The following TPD52L1 variants were observed in gnomAD, a reference collection of about 807,000 sequenced individuals.
TPD52L1 encodes tumor protein D53.
In TPD52L1, 18 loss-of-function variants were observed where a neutral mutation model predicts 28.7. The ratio of observed to expected loss-of-function variants is 0.63; its 90% CI spans 0.43 to 0.93. The LOEUF (loss-of-function observed/expected upper bound fraction) is 0.93, where lower values mean the gene tolerates loss of function less well. Among genes scored for constraint, TPD52L1 ranks in the 40% least tolerant of loss-of-function variants. The probability of loss-of-function intolerance (pLI) is 0.00; values close to 1 mark genes in which losing one functional copy is unlikely to be tolerated. For synonymous variants in TPD52L1, 75 were observed against 88.8 expected (o/e 0.84, Z 0.88); for missense variants, 203 against 254.8 (o/e 0.80, Z 1.39).
intron 1 of TPD52L1, among the ~76,000 whole-genome samples, chr6:125,202,766 CTT>C (rs55761249): frequency 4.3e-5 from 5 of 116,388 alleles, no homozygotes; most frequent in Non-Finnish European, 5.0e-5. Context: ...GGAGGTTTAT[CTT>C]TTTTTTTTTT....
At chr6:125,203,929 AAAC>A (rs1261676851) in intron 1 of TPD52L1, among the ~76,000 whole-genome samples, 1 of 152,200 alleles carries the variant, frequency 6.6e-6, no homozygotes, top group African/African-American at 2.4e-5. Flanking sequence ...GATATATTCT[AAAC>A]AACATAAATT....
At position 125,175,281 on chromosome 6, in the gene TPD52L1, G is replaced by A. The variant is rs59017133; in HGVS notation, c.19+21311G>A. Among the ~76,000 whole-genome samples the A allele has an allele frequency of 1.9e-3, 289 of 152,238 alleles. 1 individual carries two copies. The highest frequency in any genetic ancestry group is 6.4e-3 in the African/African-American group (266 of 41,540). ...AATAAATGAATGAATAGTATTGAGT[G>A]CATATAGCATTATATCCAACCAAGC... On this transcript the variant is annotated intron_variant, in intron 1 of 6. Transcript: ENST00000534000.
At chr6:125,260,972 GAAAGAAAAGAAAAGAAAGAAAGAAAGAA>G (rs1797940957) in intron 6 of TPD52L1, 2 of 51,246 alleles carry the variant, frequency 3.9e-5, no homozygotes, top group Non-Finnish European at 6.4e-5. Flanking sequence ...AAGAAAGAAA[GAAAGAAAAGAAAAGAAAGAAAGAAAGAA>G]AGAAAGAAAG....
rs1554203761 is a variant in TPD52L1, at chr6:125,180,569, T to TATACACAC, written c.19+26600_19+26601insTACACACA. ...TACACACACACACATATATTATATATACACACACACACACACACACACACA... is the reference window on the plus strand; with the variant it reads ...TACACACACACACATATATTATATATATACACACACACACACACACACACACACACACA... On this transcript the variant is annotated intron_variant, in intron 1 of 6. Coordinates refer to ENST00000534000, the MANE Select transcript of TPD52L1 (RefSeq NM_003287.4). Among the ~76,000 whole-genome samples the TATACACAC allele has an allele frequency of 4.8e-3, 723 of 150,256 alleles. 31 individuals are homozygous for TATACACAC. The East Asian group carries it at 0.1, about 21-fold the overall frequency.
intron 1 of TPD52L1, among the ~76,000 whole-genome samples, chr6:125,218,659 A>G (rs1380029598): frequency 6.6e-6 from 1 of 152,186 alleles, no homozygotes; most frequent in African/African-American, 2.4e-5. Flanking sequence ...TCCTAACCAG[A>G]GGTTCATAAA....
At chr6:125,200,877 T>C (rs1460070237) in intron 1 of TPD52L1, among the ~76,000 whole-genome samples, 1 of 152,222 alleles carries the variant, frequency 6.6e-6, no homozygotes, top group Non-Finnish European at 1.5e-5. Flanking sequence ...GGTGGCCAAC[T>C]CAAACATGCC....
At chr6:125,258,020 G>A (rs1797703875) in intron 6 of TPD52L1, among the ~76,000 whole-genome samples, 1 of 152,132 alleles carries the variant, frequency 6.6e-6, no homozygotes, top group Admixed American at 6.5e-5. Flanking sequence ...ATCCCATGCT[G>A]ATTATTCAGC....
At chr6:125,170,640 T>C (rs1002389598) in intron 1 of TPD52L1, among the ~76,000 whole-genome samples, 7 of 152,084 alleles carry the variant, frequency 4.6e-5, no homozygotes, top group African/African-American at 1.7e-4. Context: ...CTGCTATTGC[T>C]GTGAGTAATA....
At chr6:125,262,477 A>G (rs1051489945) in intron 6 of TPD52L1, 2 of 162,352 alleles carry the variant, frequency 1.2e-5, no homozygotes, top group Admixed American at 1.2e-4. Context: ...GGAGGAATTA[A>G]TAAAAAATCT....
chr6:125,162,225 G>T (rs1790563709), intron 1 of TPD52L1, among the ~76,000 whole-genome samples: 1 of 152,064 alleles, frequency 6.6e-6, no homozygotes, highest in Non-Finnish European at 1.5e-5. Flanking sequence ...CATATTTTAG[G>T]TGAAGTCAGT....
chr6:125,228,736 A>G (rs886883417), intron 2 of TPD52L1, among the ~76,000 whole-genome samples: 2 of 152,208 alleles, frequency 1.3e-5, no homozygotes, highest in Non-Finnish European at 2.9e-5. Context: ...GGTACAGTAG[A>G]AAACCAATTT....
intron 1 of TPD52L1, among the ~76,000 whole-genome samples, chr6:125,214,991 T>C (rs1794766686): frequency 6.6e-6 from 1 of 152,164 alleles, no homozygotes; most frequent in Non-Finnish European, 1.5e-5. Context: ...CCTTCTTCTG[T>C]GCCAGACAGG....
intron 3 of TPD52L1, among the ~76,000 whole-genome samples, chr6:125,246,484 CCTAT>C (rs1437054090): frequency 1.3e-5 from 2 of 152,174 alleles, no homozygotes; most frequent in African/African-American, 4.8e-5. Flanking sequence ...AGCCCTGTCT[CCTAT>C]CTGCCATCTT....
At chr6:125,172,525 T>TTATATATATTATATATATATATA (rs1791496179) in intron 1 of TPD52L1, among the ~76,000 whole-genome samples, 11 of 71,160 alleles carry the variant, frequency 1.5e-4, no homozygotes, top group African/African-American at 8.4e-4. Flanking sequence ...TATATATATA[T>TTATATATATTATATATATATATA]ATATATATAT....
intron 3 of TPD52L1, among the ~76,000 whole-genome samples, chr6:125,238,678 C>T (rs1012715171): frequency 6.6e-6 from 1 of 152,168 alleles, no homozygotes; most frequent in Non-Finnish European, 1.5e-5. Context: ...TTATTTCATT[C>T]TCTTTTATGG....
chr6:125,260,547 G>A (rs1797853147), intron 6 of TPD52L1, among the ~76,000 whole-genome samples: 1 of 152,210 alleles, frequency 6.6e-6, no homozygotes, highest in African/African-American at 2.4e-5. Context: ...GCTCACGCCT[G>A]TAATCCCAGC....
intron 2 of TPD52L1, among the ~76,000 whole-genome samples, chr6:125,227,477 G>A (rs772830822): frequency 6.6e-6 from 1 of 152,172 alleles, no homozygotes; most frequent in Non-Finnish European, 1.5e-5. Context: ...GATGCAGCTT[G>A]TGGTCCGAAG....
intron 1 of TPD52L1, among the ~76,000 whole-genome samples, chr6:125,158,777 G>A (rs1480502002): frequency 6.6e-6 from 1 of 152,198 alleles, no homozygotes; most frequent in African/African-American, 2.4e-5. Context: ...CTTGGAGATA[G>A]TGTGGGTTCA....
intron 1 of TPD52L1, among the ~76,000 whole-genome samples, chr6:125,205,825 T>C (rs1177071775): frequency 6.6e-6 from 1 of 152,186 alleles, no homozygotes; most frequent in Non-Finnish European, 1.5e-5. Flanking sequence ...TATGGAAGAA[T>C]GAGAAAGGGA....
Sources: gnomAD v4.1 joint callset for allele counts (sites outside exome capture counted in the v4.1 genomes callset) on GRCh38, gnomAD v4.1.1 for gene constraint, MANE v1.5 for transcripts, NCBI Gene and HGNC (gene_info 2026-07-23, HGNC 2026-07-21) for gene names.